The following NCKAP1L variants were observed in gnomAD, a reference collection of about 807,000 sequenced individuals.
NCKAP1L encodes NCK associated protein 1 like.
Under a neutral mutation model 139.2 loss-of-function variants are expected in NCKAP1L, and 53 were observed. The observed-to-expected ratio is 0.38, with a 90% CI of 0.31 to 0.48. NCKAP1L has a LOEUF of 0.48. Among genes scored for constraint, NCKAP1L ranks in the 20% least tolerant of loss-of-function variants. The probability of loss-of-function intolerance (pLI) is 0.98; values close to 1 mark genes in which losing one functional copy is unlikely to be tolerated. For synonymous variants in NCKAP1L, 468 were observed against 499.7 expected (o/e 0.94, Z 0.85); for missense variants, 1,151 against 1,381.9 (o/e 0.83, Z 2.65).
chr12:54,506,111 A>T (rs1555170809), intron 3 of NCKAP1L, among the ~76,000 whole-genome samples: 1 of 152,210 alleles, frequency 6.6e-6, no homozygotes, highest in Non-Finnish European at 1.5e-5. Context: ...TTGTGGGGAC[A>T]TATTTTTCAT....
chr12:54,529,418 T>C lies in NCKAP1L; in HGVS notation c.2506+1041T>C, dbSNP rs574368781. The stretch of plus-strand genomic sequence containing the variant: ...CCAACTAATTCATGAACTATCCTAC[T>C]TCTTTCTCCTTCCTCTCACCTCCAT... On this transcript the variant is annotated intron_variant, in intron 22 of 30. Coordinates refer to ENST00000293373, the MANE Select transcript of NCKAP1L (RefSeq NM_005337.5). Among the ~76,000 whole-genome samples, 17 of 152,344 alleles carry C rather than the reference T, an allele frequency of 1.1e-4. No individual in the cohort carries two copies. The South Asian group carries it at 3.1e-3, about 28-fold the overall frequency.
intron 21 of NCKAP1L, among the ~76,000 whole-genome samples, chr12:54,527,620 G>C (rs766506197): frequency 1.3e-5 from 2 of 152,122 alleles, no homozygotes; most frequent in Non-Finnish European, 2.9e-5. Context: ...CCTGTCAGCC[G>C]TTTCAGCGTA....
rs182948480 is a variant in NCKAP1L at position 54,538,973 on chromosome 12, G to A, written c.3273G>A (p.Leu1091=). 2.1e-4 allele frequency: 337 copies of A among 1,613,378 alleles called. No individual in the cohort carries two copies. Among genetic ancestry groups the A allele is most frequent in the Admixed American group, 1.1e-3 (64 of 60,006 alleles). The change falls in exon 30 of 31, where the codon TTG becomes TTA. Residue 1091 remains leucine (L), a splice_region_variant and synonymous_variant. Coordinates refer to ENST00000293373, the MANE Select transcript of NCKAP1L (RefSeq NM_005337.5). ...AATCCATTTCTCTGCTCATGCGCTTGGTAAGTACCTTATTTAAATTGGTGT... is the reference window on the plus strand; with the variant it reads ...AATCCATTTCTCTGCTCATGCGCTTAGTAAGTACCTTATTTAAATTGGTGT... ...NRESISLLMR[L]VVEESSFLTL...
chr12:54,539,045 T>G (rs1957136366), intron 30 of NCKAP1L, 72 bp downstream of exon 30: 2 of 1,326,124 alleles, frequency 1.5e-6, no homozygotes, highest in East Asian at 4.6e-5. Flanking sequence ...GTTTAGGGTC[T>G]TTGCATCCTT....
chr12:54,526,487 T>G, intron 20 of NCKAP1L, 41 bp from the exon 21 acceptor site: 1 of 1,501,116 alleles, frequency 6.7e-7, no homozygotes, highest in Non-Finnish European at 9.3e-7. Flanking sequence ...GTATTTGCCA[T>G]TATGATTGTA....
intron 21 of NCKAP1L, among the ~76,000 whole-genome samples, chr12:54,527,627 C>A (rs1306601055): frequency 6.6e-6 from 1 of 152,068 alleles, no homozygotes; most frequent in African/African-American, 2.4e-5. Flanking sequence ...GCCGTTTCAG[C>A]GTAAATTCAA....
At chr12:54,537,716 G>A (rs1409197891) in intron 29 of NCKAP1L, among the ~76,000 whole-genome samples, 1 of 152,094 alleles carries the variant, frequency 6.6e-6, no homozygotes, top group Non-Finnish European at 1.5e-5. Flanking sequence ...GATTAGGGTG[G>A]GGCTGAATAA....
At chr12:54,512,164 C>G (rs572169501) in intron 9 of NCKAP1L, 59 bp downstream of exon 9, 16 of 1,559,444 alleles carry the variant, frequency 1.0e-5, no homozygotes, top group Admixed American at 1.8e-5. Flanking sequence ...CCTCCAATAT[C>G]CTTTTTCAGT....
intron 20 of NCKAP1L, among the ~76,000 whole-genome samples, chr12:54,526,204 T>G (rs1178673288): frequency 6.6e-6 from 1 of 152,188 alleles, no homozygotes; most frequent in Non-Finnish European, 1.5e-5. Flanking sequence ...GCCCAGGTCT[T>G]CTACTACCTG....
Position 54,499,605 on chromosome 12 carries a change from C to T in NCKAP1L, c.213+140C>T. On this transcript the variant is annotated intron_variant, in intron 2 of 30. Coordinates refer to ENST00000293373, the MANE Select transcript of NCKAP1L (RefSeq NM_005337.5). ...TATTAATAGTTTTCCAAGGCTCAAC[C>T]ACAGGGCTTCAGGTTGTTGTAGAGC... 6.7e-6 allele frequency: 4 copies of T among 595,224 alleles called. 1 individual carries two copies. In the South Asian group the frequency reaches 8.3e-5, roughly 12 times the overall value. 36.9% of individuals were successfully genotyped at this position (595,224 alleles called of 1,614,324 possible). A position where few individuals can be genotyped will look rare whatever the true frequency, so the allele number is the denominator to read the frequency against.
At chr12:54,542,452 T>G (rs573422564) in intron 30 of NCKAP1L, 123 bp from the exon 31 acceptor site, 22 of 733,016 alleles carry the variant, frequency 3.0e-5, no homozygotes, top group Non-Finnish European at 4.5e-5. Context: ...GGGTGTGATT[T>G]GGAACCCTGT....
intron 30 of NCKAP1L, among the ~76,000 whole-genome samples, chr12:54,539,797 G>A (rs543052351): frequency 6.6e-6 from 1 of 152,226 alleles, no homozygotes; most frequent in East Asian, 1.9e-4. Flanking sequence ...AGGCCCATAC[G>A]AGAGATATCT....
rs779866955 is a variant in NCKAP1L at position 54,526,705 on chromosome 12, T to C, written c.2334T>C (p.Asp778=). 6.2e-7 allele frequency: 1 copy of C among 1,614,126 alleles called. No homozygotes were observed. Among genetic ancestry groups the C allele is most frequent in the Non-Finnish European group, 8.5e-7 (1 of 1,180,014 alleles). ...TCCTGCAGCAGACACAACCACTGGA[T>C]TCCTGTGGGGAACAGACAATCACCA... ...NALLQQTQPL[D]SCGEQTITTL... Residue 778 remains aspartate (D), a synonymous_variant, in exon 21 of 31, where the codon GAT becomes GAC. Transcript: ENST00000293373.
At chr12:54,510,475 G>C (rs998900716) in intron 7 of NCKAP1L, 1 of 230,380 alleles carries the variant, frequency 4.3e-6, no homozygotes, top group Non-Finnish European at 8.9e-6. Flanking sequence ...AGGTGTGTGT[G>C]CCACCATGGT....
In NCKAP1L at chr12:54,499,426, C is replaced by G. The variant is rs267603545; in HGVS notation, c.174C>G (p.Ile58Met). 1 of 1,611,168 alleles carries G rather than the reference C, an allele frequency of 6.2e-7. No individual in the cohort carries two copies. Among genetic ancestry groups the G allele is most frequent in the African/African-American group, 1.3e-5 (1 of 74,860 alleles). Reference sequence around the variant, plus strand: ...CCATGGAACCATCTCTCAAGTATATCAACAAGAAATTTCCCAACATAGATG... The same window carrying G: ...CCATGGAACCATCTCTCAAGTATATGAACAAGAAATTTCCCAACATAGATG... ...EKSMEPSLKY[I>M]NKKFPNIDVR... is the part of the protein sequence containing the mutation. Residue 58 changes from isoleucine (I) to methionine (M), a missense_variant, in exon 2 of 31, where the codon ATC becomes ATG. By Grantham distance (10) the Ile-to-Met change is conservative. Coordinates refer to ENST00000293373, the MANE Select transcript of NCKAP1L (RefSeq NM_005337.5).
At chr12:54,536,452 C>T in intron 28 of NCKAP1L, 2 of 458,126 alleles carry the variant, frequency 4.4e-6, no homozygotes, top group Admixed American at 3.5e-5. Context: ...ATCACTTGAG[C>T]CCATGAGTTC....
At chr12:54,540,996 C>T (rs1162653343) in intron 30 of NCKAP1L, among the ~76,000 whole-genome samples, 1 of 152,228 alleles carries the variant, frequency 6.6e-6, no homozygotes, top group Non-Finnish European at 1.5e-5. Context: ...TAAGAGGCTA[C>T]TCATGTAGCC....
In NCKAP1L at chr12:54,499,358, T is replaced by A; in HGVS notation, c.106T>A (p.Cys36Ser). ...LIRMYNIKKTCSDPKSKPPFL... is the reference protein window; with the variant it reads ...LIRMYNIKKTSSDPKSKPPFL... ...TATATATGGTTTCTCTCTGCAGACT[T>A]GTTCAGACCCCAAATCTAAGCCACC... is the stretch of plus-strand genomic sequence containing the variant. Residue 36 changes from cysteine (C) to serine (S), a missense_variant, in exon 2 of 31, where the codon TGT (cysteine) becomes AGT (serine). Cys to Ser is a moderately radical substitution (Grantham distance 112, BLOSUM62 -1). Transcript: ENST00000293373. 6.4e-7 allele frequency: 1 copy of A among 1,571,834 alleles called. No individual in the cohort carries two copies. Among genetic ancestry groups the A allele is most frequent in the Non-Finnish European group, 8.8e-7 (1 of 1,141,644 alleles).
intron 22 of NCKAP1L, 49 bp from the exon 23 acceptor site, chr12:54,531,211 C>A: frequency 7.4e-7 from 1 of 1,359,918 alleles, no homozygotes; most frequent in Non-Finnish European, 1.1e-6. Flanking sequence ...TGTACAAATA[C>A]TCCAGTGCCT....
Sources: gnomAD v4.1 joint callset for allele counts (sites outside exome capture counted in the v4.1 genomes callset) on GRCh38, gnomAD v4.1.1 for gene constraint, MANE v1.5 for transcripts, NCBI Gene and HGNC (gene_info 2026-07-23, HGNC 2026-07-21) for gene names.